SHISAL2A: variants seen among roughly 807,000 people sequenced by gnomAD.
SHISAL2A encodes protein shisa-like-2A.
SHISAL2A carries 18 observed loss-of-function variants against 11.5 expected under a neutral mutation model. The observed-to-expected ratio is 1.57, with a 90% CI of 1.08 to 2.33. The LOEUF (loss-of-function observed/expected upper bound fraction) is 2.33, where lower values mean the gene tolerates loss of function less well. Ranked by LOEUF, SHISAL2A falls within the 30% of genes most tolerant of loss-of-function variation. SHISAL2A has a pLI of 0.00. For synonymous variants in SHISAL2A, 94 were observed against 99.6 expected (o/e 0.94, Z 0.34); for missense variants, 261 against 250.9 (o/e 1.04, Z -0.27).
rs1691188291 is a variant in SHISAL2A, at chr1:52,633,954, C to T, written c.182+279C>T. Among the ~76,000 whole-genome samples, 2 of 151,972 alleles carry T rather than the reference C, an allele frequency of 1.3e-5. No individual in the cohort carries two copies. The highest frequency in any genetic ancestry group is 2.4e-5 in the African/African-American group (1 of 41,352). On this transcript the variant is annotated intron_variant, in intron 1 of 2. Coordinates refer to ENST00000517870, the MANE Select transcript of SHISAL2A (RefSeq NM_001042693.3). The surrounding 1 kb of genome is among the most constrained non-coding windows in gnomAD (Gnocchi z 6.4). ...CCCACCCCAAACTTCATTCCATCAC[C>T]ACCCTCATCCCAACCCCAAATCACA...
At chr1:52,667,450 TTGAC>T in exon 5 of SHISAL2A, 1 of 960,962 alleles carries the variant, frequency 1.0e-6, no homozygotes, top group Non-Finnish European at 1.2e-6. Context: ...TTCAAAGAGA[TTGAC>T]TGCTGTGGAG....
intron 1 of SHISAL2A, among the ~76,000 whole-genome samples, chr1:52,640,962 T>C (rs920996144): frequency 1.1e-4 from 16 of 152,060 alleles, no homozygotes; most frequent in African/African-American, 3.6e-4. Context: ...TGATCACCAA[T>C]GGTAATCAAT....
chr1:52,640,364 A>G (rs1691334114), intron 1 of SHISAL2A, among the ~76,000 whole-genome samples: 1 of 152,196 alleles, frequency 6.6e-6, no homozygotes, highest in African/African-American at 2.4e-5. Context: ...ATACCTTCTC[A>G]TTGGGAGAGT....
chr1:52,635,700 A>G (rs1691223301), intron 1 of SHISAL2A, among the ~76,000 whole-genome samples: 1 of 152,184 alleles, frequency 6.6e-6, no homozygotes, highest in Non-Finnish European at 1.5e-5. Context: ...CTCCTGAACC[A>G]TAATTCTAAC....
At chr1:52,660,721 C>T (rs556240958), downstream of SHISAL2A, among the ~76,000 whole-genome samples, 3 of 152,300 alleles carry the variant, frequency 2.0e-5, no homozygotes, top group East Asian at 1.9e-4. Context: ...AACGTTAGAA[C>T]ATTCCACTCC....
chr1:52,664,229 C>T (rs1193290111), intron 4 of SHISAL2A, among the ~76,000 whole-genome samples: 3 of 150,038 alleles, frequency 2.0e-5, no homozygotes, highest in Admixed American at 6.6e-5. Flanking sequence ...CTCGCTCTGT[C>T]GCCCAGGCTG....
intron 2 of SHISAL2A, among the ~76,000 whole-genome samples, chr1:52,644,793 G>A (rs138220536): frequency 1.8e-4 from 27 of 152,170 alleles, no homozygotes; most frequent in East Asian, 1.5e-3. Flanking sequence ...CAGGGCGGGC[G>A]GATCACAAGA....
upstream of SHISAL2A, among the ~76,000 whole-genome samples, chr1:52,633,163 C>T (rs1024812391): frequency 3.3e-5 from 5 of 152,152 alleles, no homozygotes; most frequent in Non-Finnish European, 5.9e-5. This position sits in a 1 kb window ranked among gnomAD's most constrained non-coding sequence, Gnocchi z 6.4. Context: ...GCAGGAAGCG[C>T]AGGCAGAGCC....
intron 1 of SHISAL2A, among the ~76,000 whole-genome samples, chr1:52,637,444 T>G (rs1257076173): frequency 6.6e-6 from 1 of 152,232 alleles, no homozygotes; most frequent in East Asian, 1.9e-4. Flanking sequence ...CACTGTTTCC[T>G]GGGAGAGACA....
chr1:52,636,494 A>G (rs1453034245), intron 1 of SHISAL2A, among the ~76,000 whole-genome samples: 1 of 152,224 alleles, frequency 6.6e-6, no homozygotes, highest in Non-Finnish European at 1.5e-5. Flanking sequence ...GAATTGTAAG[A>G]ACTAAGAGAA....
Position 52,656,781 on chromosome 1 carries a change from G to C in SHISAL2A, c.323-9G>C, listed in dbSNP as rs780217057. The C allele has an allele frequency of 6.3e-7, 1 of 1,595,056 alleles. No homozygotes were observed. Among genetic ancestry groups the C allele is most frequent in the Admixed American group, 1.7e-5 (1 of 58,366 alleles). On this transcript the variant is annotated splice_polypyrimidine_tract_variant and intron_variant, in intron 2 of 2. Coordinates refer to ENST00000517870, the MANE Select transcript of SHISAL2A (RefSeq NM_001042693.3). ...GAGAGCCACACACCCTCAGTTTGCT[G>C]TTTTCCAGGCCCTGAGGAGGTTTCT...
chr1:52,663,623 TG>T (rs1200740730), intron 4 of SHISAL2A, among the ~76,000 whole-genome samples: 25 of 151,998 alleles, frequency 1.6e-4, no homozygotes, highest in Admixed American at 1.5e-3. Flanking sequence ...TAGCCGGGCG[TG>T]GTGGCGCATG....
At chr1:52,649,966 C>T (rs537607153) in intron 2 of SHISAL2A, among the ~76,000 whole-genome samples, 1 of 152,242 alleles carries the variant, frequency 6.6e-6, no homozygotes, top group South Asian at 2.1e-4. Flanking sequence ...GCAGCTGAGG[C>T]CCAGAGAGAG....
At chr1:52,659,981 T>C (rs954500338), downstream of SHISAL2A, among the ~76,000 whole-genome samples, 4 of 152,142 alleles carry the variant, frequency 2.6e-5, no homozygotes, top group African/African-American at 9.7e-5. Context: ...CGAGGCTGCA[T>C]CAGAATCAGC....
Position 52,633,786 on chromosome 1 carries a change from G to T in SHISAL2A, c.182+111G>T. On this transcript the variant is annotated intron_variant, in intron 1 of 2. Coordinates refer to ENST00000517870, the MANE Select transcript of SHISAL2A (RefSeq NM_001042693.3). The surrounding 1 kb of genome is among the most constrained non-coding windows in gnomAD (Gnocchi z 6.4). ...ACCTGAACATCAGCAGCAAGCTCTA[G>T]TCCTTACCGTCCTCATGCCCACAGC... is the stretch of plus-strand genomic sequence containing the variant. 1.2e-6 allele frequency: 1 copy of T among 817,650 alleles called. No homozygotes were observed. Among genetic ancestry groups the T allele is most frequent in the Non-Finnish European group, 1.9e-6 (1 of 513,704 alleles). The allele number at this position is 817,650 out of a possible 1,614,324, so 50.6% of individuals were successfully genotyped here.
At chr1:52,644,159 G>T (rs1334309250) in intron 2 of SHISAL2A, among the ~76,000 whole-genome samples, 1 of 152,174 alleles carries the variant, frequency 6.6e-6, no homozygotes, top group Non-Finnish European at 1.5e-5. Flanking sequence ...TACTGGGTAT[G>T]TGCAAGTATA....
chr1:52,657,478 C>T (rs533648078), downstream of SHISAL2A, among the ~76,000 whole-genome samples: 8 of 152,124 alleles, frequency 5.3e-5, no homozygotes, highest in South Asian at 4.1e-4. Context: ...TGCAGAGGGA[C>T]GGATAGAGAG....
In SHISAL2A at chr1:52,635,657, A is replaced by C. The variant is rs574144569; in HGVS notation, c.182+1982A>C. On this transcript the variant is annotated intron_variant, in intron 1 of 2. Transcript: ENST00000517870. Reference sequence around the variant, plus strand: ...ACTCCTCCTATAGGAGGAGTTGAGGAGATTACAAATCATGTGACCTCCAGC... The same window carrying C: ...ACTCCTCCTATAGGAGGAGTTGAGGCGATTACAAATCATGTGACCTCCAGC... Among the ~76,000 whole-genome samples the C allele has an allele frequency of 4.0e-5, 6 of 151,866 alleles. No homozygotes were observed. The South Asian group carries it at 1.3e-3, about 32-fold the overall frequency.
At position 52,647,285 on chromosome 1, in the gene SHISAL2A, A is replaced by G. The variant is rs550111868; in HGVS notation, c.322+4283A>G. 9.2e-5 allele frequency among the ~76,000 whole-genome samples: 14 copies of G among 152,336 alleles called. No homozygotes were observed. The East Asian group carries it at 1.9e-3, about 21-fold the overall frequency. ...GTTACATATTGATCAGTTGACAAAA[A>G]TGTGACCAGAGGCTCACAGGAACAT... is the stretch of plus-strand genomic sequence containing the variant. On this transcript the variant is annotated intron_variant, in intron 2 of 2. Transcript: ENST00000517870.
Sources: allele counts gnomAD v4.1 joint callset (sites outside exome capture counted in the v4.1 genomes callset), GRCh38; gene constraint gnomAD v4.1.1; non-coding constraint Gnocchi (gnomAD v3.1); transcripts MANE v1.5; gene names NCBI Gene and HGNC (gene_info 2026-07-23, HGNC 2026-07-21).